Variants in CYP3A5 observed in about 807,000 individuals in gnomAD.
The protein encoded by CYP3A5 is cytochrome P450 family 3 subfamily A member 5.
CYP3A5 carries 51 observed loss-of-function variants against 55.9 expected under a neutral mutation model. The ratio of observed to expected loss-of-function variants is 0.91; its 90% CI spans 0.73 to 1.15. The LOEUF (loss-of-function observed/expected upper bound fraction) is 1.15. Among genes scored for constraint, CYP3A5 ranks in the 50% most tolerant of loss-of-function variants. The probability of loss-of-function intolerance (pLI) is 0.00; values close to 1 mark genes in which losing one functional copy is unlikely to be tolerated. For missense variants in CYP3A5, 533 were observed against 596.6 expected, an observed-to-expected ratio of 0.89 and a Z score of 1.11; for synonymous variants, 196 against 213.9, an observed-to-expected ratio of 0.92 and a Z score of 0.73.
At chr7:99,679,366 A>G (rs1316207921) in intron 1 of CYP3A5, among the ~76,000 whole-genome samples, 2 of 152,146 alleles carry the variant, frequency 1.3e-5, no homozygotes, top group African/African-American at 2.4e-5. Flanking sequence ...CTACAGGGGC[A>G]ATACAGCTAC....
intron 5 of CYP3A5, 50 bp downstream of exon 5, chr7:99,666,902 C>T: frequency 3.7e-6 from 6 of 1,606,244 alleles, no homozygotes; most frequent in Non-Finnish European, 5.1e-6. Context: ...TCTACCTGTC[C>T]CCAGATTCAT....
chr7:99,675,375 C>A (rs1252846784), intron 2 of CYP3A5, among the ~76,000 whole-genome samples: 1 of 152,094 alleles, frequency 6.6e-6, no homozygotes, highest in Non-Finnish European at 1.5e-5. Context: ...GAAGAAATTA[C>A]TGCTTTTATC....
At position 99,679,955 on chromosome 7, in the gene CYP3A5, T is replaced by G. The variant is rs918799816; in HGVS notation, c.-59A>C. 6.1e-6 allele frequency: 9 copies of G among 1,483,212 alleles called. No individual in the cohort carries two copies. In the African/African-American group the frequency reaches 1.2e-4, roughly 21 times the overall value. The allele number at this position is 1,483,212 out of a possible 1,614,324, so 91.9% of individuals were successfully genotyped here. A position where few individuals can be genotyped will look rare whatever the true frequency, so the allele number is the denominator to read the frequency against. ...TCTTCCTTTTAGCTGAGTGCTGCTG[T>G]TTGCTGGGCTGTTTGCCTGGAGCTT... On this transcript the variant is annotated 5_prime_UTR_variant, in exon 1 of 13. Coordinates refer to ENST00000222982, the MANE Select transcript of CYP3A5 (RefSeq NM_000777.5).
chr7:99,677,322 A>G (rs1234059279), intron 1 of CYP3A5: 2 of 872,112 alleles, frequency 2.3e-6, no homozygotes, highest in African/African-American at 1.8e-5. Context: ...AGTTGGCTCC[A>G]GAGAGGCAAA....
At chr7:99,667,118 G>T in intron 4 of CYP3A5, 53 bp from the exon 5 acceptor site, 1 of 1,521,228 alleles carries the variant, frequency 6.6e-7, no homozygotes, top group South Asian at 1.2e-5. Context: ...GATCTTCATG[G>T]TTGCACAAAA....
chr7:99,679,276 T>G (rs976406791), intron 1 of CYP3A5, among the ~76,000 whole-genome samples: 15 of 152,196 alleles, frequency 9.9e-5, no homozygotes, highest in African/African-American at 3.6e-4. Flanking sequence ...AGGGGACAGC[T>G]TCCCATGAAG....
intron 2 of CYP3A5, among the ~76,000 whole-genome samples, chr7:99,675,860 A>C (rs1812221948): frequency 6.7e-6 from 1 of 149,450 alleles, no homozygotes; most frequent in Non-Finnish European, 1.5e-5. Flanking sequence ...TATCATGCAC[A>C]GGTAATTTTT....
intron 4 of CYP3A5, among the ~76,000 whole-genome samples, chr7:99,669,983 A>G (rs893424636): frequency 6.6e-6 from 1 of 152,208 alleles, no homozygotes; most frequent in African/African-American, 2.4e-5. Context: ...CACAAGCTTT[A>G]AAAGTAGATA....
At chr7:99,677,888 T>G (rs1477590590) in intron 1 of CYP3A5, among the ~76,000 whole-genome samples, 1 of 152,068 alleles carries the variant, frequency 6.6e-6, no homozygotes, top group Non-Finnish European at 1.5e-5. Flanking sequence ...TCAGCAGCAT[T>G]GGCCCCCAAG....
intron 11 of CYP3A5, 60 bp downstream of exon 11, chr7:99,652,493 G>C (rs929966894): frequency 2.7e-6 from 3 of 1,092,036 alleles, no homozygotes; most frequent in Non-Finnish European, 4.0e-6. Flanking sequence ...ATTAAGAGAG[G>C]CAGAATATGC....
At chr7:99,649,979 G>A (rs1175844724) in intron 12 of CYP3A5, 94 bp downstream of exon 12, 1 of 1,466,370 alleles carries the variant, frequency 6.8e-7, no homozygotes, top group African/African-American at 1.4e-5. Flanking sequence ...CCCATAGAAT[G>A]AATTATTAAA....
chr7:99,656,475 C>T (rs576917127), intron 10 of CYP3A5, among the ~76,000 whole-genome samples: 112 of 152,228 alleles, frequency 7.4e-4, no homozygotes, highest in African/African-American at 2.5e-3. Context: ...CTGCTGGATT[C>T]GGTTTGCCAG....
chr7:99,663,511 C>G, intron 8 of CYP3A5: 3 of 991,362 alleles, frequency 3.0e-6, no homozygotes, highest in Non-Finnish European at 3.6e-6. Context: ...GAAACACTCA[C>G]ATTTACCACA....
In CYP3A5 at chr7:99,662,562, G is replaced by A. The variant is rs983527183; in HGVS notation, c.865+254C>T. On this transcript the variant is annotated intron_variant, in intron 9 of 12. Coordinates refer to ENST00000222982, the MANE Select transcript of CYP3A5 (RefSeq NM_000777.5). The surrounding 1 kb of genome is among the most constrained non-coding windows in gnomAD (Gnocchi z 4.3). ...GAGAACTGGCATTTGATCTCATGTA[G>A]GTGATCCACAAACCACTGACTGTCC... is the stretch of plus-strand genomic sequence containing the variant. Among the ~76,000 whole-genome samples, 1 of 152,152 alleles carries A rather than the reference G, an allele frequency of 6.6e-6. No individual in the cohort carries two copies. The highest frequency in any genetic ancestry group is 1.5e-5 in the Non-Finnish European group (1 of 68,034).
intron 10 of CYP3A5, among the ~76,000 whole-genome samples, chr7:99,656,005 T>A (rs970266441): frequency 6.6e-6 from 1 of 152,236 alleles, no homozygotes; most frequent in African/African-American, 2.4e-5. Context: ...TTTCTAGATA[T>A]ACAATCATGT....
rs773319956 is a variant in CYP3A5 at position 99,672,694 on chromosome 7, C to G, written c.219-15G>C. ...CTTCATACGTTCTGTGTGGGGACAA[C>G]GGAGCTGATTAAACTTCACTAGCCC... On this transcript the variant is annotated splice_polypyrimidine_tract_variant and intron_variant, in intron 3 of 12. Coordinates refer to ENST00000222982, the MANE Select transcript of CYP3A5 (RefSeq NM_000777.5). 6.2e-7 allele frequency: 1 copy of G among 1,613,350 alleles called. No individual in the cohort carries two copies. The highest frequency in any genetic ancestry group is 2.2e-5 in the East Asian group (1 of 44,870).
intron 10 of CYP3A5, 21 bp from the exon 11 acceptor site, chr7:99,652,800 T>C: frequency 1.3e-6 from 2 of 1,590,840 alleles, no homozygotes; most frequent in Non-Finnish European, 1.7e-6. Flanking sequence ...AGAAACAGAA[T>C]TGGATAATCT....
intron 8 of CYP3A5, chr7:99,663,255 G>T (rs1477234411): frequency 9.6e-7 from 1 of 1,036,312 alleles, no homozygotes; most frequent in African/African-American, 1.7e-5. Context: ...TTCTTCAGCA[G>T]TGTCCGTATA....
intron 10 of CYP3A5, chr7:99,659,390 G>A (rs977750561): frequency 4.9e-4 from 75 of 154,462 alleles, no homozygotes; most frequent in Non-Finnish European, 1.6e-4. Context: ...GCAGAACAGC[G>A]GTATTGGTGA....
Sources: gnomAD v4.1 joint callset for allele counts (sites outside exome capture counted in the v4.1 genomes callset) on GRCh38, gnomAD v4.1.1 for gene constraint, Gnocchi (gnomAD v3.1) non-coding constraint, MANE v1.5 for transcripts, NCBI Gene and HGNC (gene_info 2026-07-23, HGNC 2026-07-21) for gene names.